The following SMYD3 variants were observed in gnomAD, a reference collection of about 807,000 sequenced individuals.
SMYD3 encodes histone-lysine N-methyltransferase SMYD3.
SMYD3 carries 36 observed loss-of-function variants against 57.7 expected under a neutral mutation model. The observed-to-expected ratio is 0.62, with a 90% CI of 0.48 to 0.82. The LOEUF (loss-of-function observed/expected upper bound fraction) is 0.82. SMYD3 is among the 40% of genes least tolerant of loss of function. SMYD3 has a pLI of 0.00. For missense variants in SMYD3, 515 were observed against 538.8 expected (o/e 0.96, Z 0.44); for synonymous variants, 211 against 195.0 (o/e 1.08, Z -0.68).
intron 1 of SMYD3, among the ~76,000 whole-genome samples, chr1:246,365,034 G>A (rs2066075230): frequency 6.6e-6 from 1 of 152,114 alleles, no homozygotes; most frequent in African/African-American, 2.4e-5. Context: ...CATTAATAGA[G>A]ATAAAGCCAA....
intron 5 of SMYD3, among the ~76,000 whole-genome samples, chr1:246,128,986 C>T (rs1195850802): frequency 2.0e-5 from 3 of 151,754 alleles, no homozygotes; most frequent in Non-Finnish European, 4.4e-5. Flanking sequence ...TTGTATTTTT[C>T]GGGGTTTTGC....
At chr1:246,071,705 C>T (rs1473240726) in intron 5 of SMYD3, among the ~76,000 whole-genome samples, 2 of 152,170 alleles carry the variant, frequency 1.3e-5, no homozygotes, top group Non-Finnish European at 2.9e-5. Flanking sequence ...ACTGAAACCC[C>T]AAATGCTGCA....
intron 9 of SMYD3, 104 bp from the exon 10 acceptor site, chr1:245,858,774 G>A (rs1001680532): frequency 8.6e-7 from 1 of 1,158,264 alleles, no homozygotes; most frequent in East Asian, 2.4e-5. Context: ...AGGAGCGAGG[G>A]AAGCACCCGT....
intron 5 of SMYD3, chr1:246,186,687 C>T (rs1572177215): frequency 1.1e-6 from 1 of 924,772 alleles, no homozygotes; most frequent in Non-Finnish European, 1.3e-6. Flanking sequence ...CTGTGAGAGT[C>T]TGGCACTGTC....
At chr1:246,071,746 CG>C (rs2060448670) in intron 5 of SMYD3, among the ~76,000 whole-genome samples, 1 of 152,166 alleles carries the variant, frequency 6.6e-6, no homozygotes, top group Admixed American at 6.5e-5. Context: ...GGGAGGGATT[CG>C]AGTGCTTTCC....
At chr1:246,161,454 A>G (rs1278787943) in intron 5 of SMYD3, among the ~76,000 whole-genome samples, 2 of 152,214 alleles carry the variant, frequency 1.3e-5, no homozygotes, top group Non-Finnish European at 2.9e-5. Flanking sequence ...TTCTTCAGAA[A>G]GCAATTCAGG....
At chr1:246,457,129 C>A (rs2067710179) in intron 1 of SMYD3, among the ~76,000 whole-genome samples, 1 of 152,098 alleles carries the variant, frequency 6.6e-6, no homozygotes, top group African/African-American at 2.4e-5. Context: ...CCATACTGAT[C>A]ATCTCTGGCC....
intron 5 of SMYD3, among the ~76,000 whole-genome samples, chr1:246,299,861 G>A (rs1241664418): frequency 1.3e-5 from 2 of 151,322 alleles, no homozygotes; most frequent in African/African-American, 4.9e-5. Context: ...GGAGGGAGAG[G>A]ATCAGGAAAA....
chr1:245,824,180 G>A (rs1457333625), intron 10 of SMYD3, among the ~76,000 whole-genome samples: 1 of 152,214 alleles, frequency 6.6e-6, no homozygotes, highest in African/African-American at 2.4e-5. Flanking sequence ...CCCTGCACAA[G>A]CTTGGCATAG....
intron 5 of SMYD3, among the ~76,000 whole-genome samples, chr1:246,285,279 G>A (rs1216264597): frequency 6.6e-6 from 1 of 152,138 alleles, no homozygotes; most frequent in African/African-American, 2.4e-5. Flanking sequence ...CCAGGTTGCT[G>A]CAAATGCCAT....
At chr1:246,119,497 C>A (rs557176013) in intron 5 of SMYD3, among the ~76,000 whole-genome samples, 2 of 151,716 alleles carry the variant, frequency 1.3e-5, no homozygotes, top group South Asian at 4.2e-4. Flanking sequence ...ACTGCAACCT[C>A]CACCTCCAGG....
At chr1:246,419,375 G>C (rs6680347) in intron 1 of SMYD3, among the ~76,000 whole-genome samples, 1 of 152,158 alleles carries the variant, frequency 6.6e-6, no homozygotes, top group African/African-American at 2.4e-5. Flanking sequence ...ACGTCCTCCC[G>C]ATGTCCGGCC....
intron 7 of SMYD3, among the ~76,000 whole-genome samples, chr1:245,921,011 T>C (rs2055884441): frequency 6.6e-6 from 1 of 152,082 alleles, no homozygotes; most frequent in Non-Finnish European, 1.5e-5. Flanking sequence ...ACCTACAGAA[T>C]AGGAGAAAAT....
chr1:246,255,982 A>ACAGACAGACAGG, intron 5 of SMYD3, among the ~76,000 whole-genome samples: 1 of 151,924 alleles, frequency 6.6e-6, no homozygotes, highest in African/African-American at 2.4e-5. Flanking sequence ...AGATAGATAG[A>ACAGACAGACAGG]TAGATACACA....
chr1:246,342,119 A>AT (rs1276589599), intron 2 of SMYD3, among the ~76,000 whole-genome samples: 2 of 152,200 alleles, frequency 1.3e-5, no homozygotes, highest in Non-Finnish European at 2.9e-5. Flanking sequence ...TTCCTCAGCT[A>AT]TTTGGTCATT....
intron 10 of SMYD3, among the ~76,000 whole-genome samples, chr1:245,776,879 C>T (rs536962123): frequency 1.2e-4 from 19 of 152,172 alleles, no homozygotes; most frequent in Non-Finnish European, 2.5e-4. Flanking sequence ...AATAAGGTTT[C>T]GTTGGGACAC....
At chr1:246,282,611 C>T (rs1050358173) in intron 5 of SMYD3, among the ~76,000 whole-genome samples, 4 of 150,132 alleles carry the variant, frequency 2.7e-5, no homozygotes, top group African/African-American at 9.8e-5. Context: ...TTTTCCACAT[C>T]TCTTTTCTTG....
At chr1:246,296,191 C>T (rs1216645707) in intron 5 of SMYD3, among the ~76,000 whole-genome samples, 9 of 152,184 alleles carry the variant, frequency 5.9e-5, no homozygotes, top group Admixed American at 1.3e-4. Context: ...CCACAACCAC[C>T]GAAGCCTCAG....
intron 5 of SMYD3, among the ~76,000 whole-genome samples, chr1:246,108,920 T>A (rs966333140): frequency 6.6e-6 from 1 of 152,216 alleles, no homozygotes; most frequent in African/African-American, 2.4e-5. Flanking sequence ...GTGCAGCCAA[T>A]TCTTTCTCTT....
Sources: allele counts gnomAD v4.1 joint callset (sites outside exome capture counted in the v4.1 genomes callset), GRCh38; gene constraint gnomAD v4.1.1; transcripts MANE v1.5; gene names NCBI Gene and HGNC (gene_info 2026-07-23, HGNC 2026-07-21).